Variants in ZNF804A observed in about 807,000 individuals in gnomAD.
ZNF804A encodes the protein zinc finger protein 804A.
ZNF804A carries 2 observed loss-of-function variants against 16.5 expected under a neutral mutation model. That is an observed-to-expected ratio of 0.12 (90% CI 0.05 to 0.38). The LOEUF is 0.38. Among genes scored for constraint, ZNF804A ranks in the 10% least tolerant of loss-of-function variants. The pLI is 0.99. For synonymous variants in ZNF804A, 534 were observed against 489.6 expected (o/e 1.09, Z -1.20); for missense variants, 1,473 against 1,390.7 (o/e 1.06, Z -0.94).
At chr2:184,658,707 G>A (rs947433171) in intron 1 of ZNF804A, among the ~76,000 whole-genome samples, 14 of 152,132 alleles carry the variant, frequency 9.2e-5, no homozygotes, top group Non-Finnish European at 5.9e-5. Context: ...CTCCCTAGAA[G>A]TTGGAAAATG....
chr2:184,842,316 G>T (rs1243375677), intron 1 of ZNF804A, among the ~76,000 whole-genome samples: 2 of 152,126 alleles, frequency 1.3e-5, no homozygotes, highest in East Asian at 1.9e-4. Flanking sequence ...TCTATATATT[G>T]TTCCTCTTAT....
At chr2:184,817,446 T>G (rs1574226113) in intron 1 of ZNF804A, among the ~76,000 whole-genome samples, 1 of 151,784 alleles carries the variant, frequency 6.6e-6, no homozygotes, top group East Asian at 1.9e-4. Flanking sequence ...CCCACAAGGA[T>G]AAGAAAGAAT....
intron 1 of ZNF804A, among the ~76,000 whole-genome samples, chr2:184,609,924 G>A (rs999334438): frequency 2.6e-5 from 4 of 152,188 alleles, no homozygotes; most frequent in Non-Finnish European, 5.9e-5. Context: ...GTTTGAATAT[G>A]TCCCCCAGAA....
At chr2:184,607,707 T>C (rs1691171810) in intron 1 of ZNF804A, among the ~76,000 whole-genome samples, 1 of 152,146 alleles carries the variant, frequency 6.6e-6, no homozygotes, top group African/African-American at 2.4e-5. Flanking sequence ...GTTTATACTT[T>C]GTTAGCCTGA....
intron 2 of ZNF804A, among the ~76,000 whole-genome samples, chr2:184,929,522 C>T (rs540270131): frequency 6.6e-6 from 1 of 151,902 alleles, no homozygotes; most frequent in Admixed American, 6.6e-5. Context: ...TATGTAATAA[C>T]AATTAACTTT....
rs191216648 is a variant in ZNF804A at position 184,803,090 on chromosome 2, A to G, written c.112-63279A>G. On this transcript the variant is annotated intron_variant, in intron 1 of 3. Transcript: ENST00000302277. The stretch of plus-strand genomic sequence containing the variant: ...AGCCCTAAATAAATATTAACTATTA[A>G]TATTTGCTATTATAACTAGTTTCAT... Among the ~76,000 whole-genome samples, 72 of 152,294 alleles carry G rather than the reference A, an allele frequency of 4.7e-4. 1 individual carries two copies. The highest frequency in any genetic ancestry group is 1.7e-3 in the African/African-American group (70 of 41,560).
intron 1 of ZNF804A, among the ~76,000 whole-genome samples, chr2:184,720,793 T>C (rs1487670908): frequency 6.6e-6 from 1 of 152,056 alleles, no homozygotes; most frequent in Non-Finnish European, 1.5e-5. Context: ...AGACCTCAAA[T>C]AGCCAAAGCA....
intron 1 of ZNF804A, among the ~76,000 whole-genome samples, chr2:184,610,536 A>C (rs1691219304): frequency 6.6e-6 from 1 of 152,122 alleles, no homozygotes; most frequent in African/African-American, 2.4e-5. Flanking sequence ...GGTCAAGGAC[A>C]AAAAGATGGA....
chr2:184,810,639 C>T (rs908636795), intron 1 of ZNF804A, among the ~76,000 whole-genome samples: 1 of 151,730 alleles, frequency 6.6e-6, no homozygotes, highest in Admixed American at 6.6e-5. Context: ...TACCGGCGCC[C>T]GCCACCACGC....
chr2:184,751,380 A>C (rs976247956), intron 1 of ZNF804A, among the ~76,000 whole-genome samples: 5 of 151,534 alleles, frequency 3.3e-5, no homozygotes, highest in Admixed American at 6.6e-5. Flanking sequence ...AAAATGGATT[A>C]AAGGGTTAAA....
chr2:184,701,970 T>C (rs370166083), intron 1 of ZNF804A, among the ~76,000 whole-genome samples: 3 of 152,118 alleles, frequency 2.0e-5, no homozygotes, highest in African/African-American at 7.2e-5. Context: ...TTCTTTAGAG[T>C]TTAGATTCTT....
At chr2:184,847,471 A>G (rs1695537940) in intron 1 of ZNF804A, among the ~76,000 whole-genome samples, 1 of 152,056 alleles carries the variant, frequency 6.6e-6, no homozygotes, top group Non-Finnish European at 1.5e-5. Flanking sequence ...GCAGAATGAC[A>G]TTTATAATGA....
At chr2:184,616,865 A>G (rs988212667) in intron 1 of ZNF804A, among the ~76,000 whole-genome samples, 1 of 152,134 alleles carries the variant, frequency 6.6e-6, no homozygotes, top group Non-Finnish European at 1.5e-5. Context: ...AGCTTTGCTA[A>G]GTGCCCTCAG....
At chr2:184,855,675 C>T (rs75530945) in intron 1 of ZNF804A, among the ~76,000 whole-genome samples, 2,020 of 151,582 alleles carry the variant, frequency 0.013, 21 homozygotes, top group Non-Finnish European at 0.022. Context: ...CTAACAGCAG[C>T]GAATGAATAT....
At chr2:184,892,644 C>T (rs996559852) in intron 2 of ZNF804A, among the ~76,000 whole-genome samples, 17 of 151,854 alleles carry the variant, frequency 1.1e-4, no homozygotes, top group African/African-American at 3.6e-4. Flanking sequence ...CCACCATGCC[C>T]GGCTAATTTT....
At chr2:184,916,674 C>T (rs950572556) in intron 2 of ZNF804A, among the ~76,000 whole-genome samples, 1 of 151,984 alleles carries the variant, frequency 6.6e-6, no homozygotes, top group South Asian at 2.1e-4. Context: ...ATGGTGAAAC[C>T]CCGTCTCTAT....
intron 1 of ZNF804A, among the ~76,000 whole-genome samples, chr2:184,842,593 C>A (rs1399980611): frequency 6.7e-6 from 1 of 150,294 alleles, no homozygotes; most frequent in Non-Finnish European, 1.5e-5. Context: ...AATTCATTTT[C>A]TTTTTAAAAT....
At chr2:184,636,295 C>T (rs1362228792) in intron 1 of ZNF804A, among the ~76,000 whole-genome samples, 4 of 146,600 alleles carry the variant, frequency 2.7e-5, no homozygotes, top group Admixed American at 1.4e-4. Flanking sequence ...TTTTTATTTT[C>T]TTGTTTTCTT....
intron 2 of ZNF804A, among the ~76,000 whole-genome samples, chr2:184,917,590 A>G (rs571930477): frequency 3.3e-5 from 5 of 152,206 alleles, no homozygotes; most frequent in Non-Finnish European, 5.9e-5. Context: ...CAAAACGTAT[A>G]TTACAGTATA....
Sources: allele counts gnomAD v4.1 joint callset (sites outside exome capture counted in the v4.1 genomes callset), GRCh38; gene constraint gnomAD v4.1.1; transcripts MANE v1.5; gene names NCBI Gene and HGNC (gene_info 2026-07-23, HGNC 2026-07-21).